The following ARHGAP22 variants were observed in gnomAD, a reference collection of about 807,000 sequenced individuals.
The protein encoded by ARHGAP22 is Rho GTPase activating protein 22.
Under a neutral mutation model 59.1 loss-of-function variants are expected in ARHGAP22, and 48 were observed. The observed-to-expected ratio is 0.81, with a 90% CI of 0.64 to 1.03. ARHGAP22 has a LOEUF of 1.03. Among genes scored for constraint, ARHGAP22 ranks in the 50% least tolerant of loss-of-function variants. The probability of loss-of-function intolerance (pLI) is 0.00; values close to 1 mark genes in which losing one functional copy is unlikely to be tolerated. For missense variants in ARHGAP22, 1,015 were observed against 958.7 expected, an observed-to-expected ratio of 1.06 and a Z score of -0.78; for synonymous variants, 445 against 416.4, an observed-to-expected ratio of 1.07 and a Z score of -0.84.
chr10:48,567,920 G>A (rs529377602), intron 2 of ARHGAP22, among the ~76,000 whole-genome samples: 3 of 152,324 alleles, frequency 2.0e-5, no homozygotes, highest in Non-Finnish European at 2.9e-5. Flanking sequence ...GAAAATAAGT[G>A]TTAGAGAATT....
intron 1 of ARHGAP22, among the ~76,000 whole-genome samples, chr10:48,588,923 G>A (rs1016496484): frequency 6.6e-6 from 1 of 152,314 alleles, no homozygotes; most frequent in East Asian, 1.9e-4. Flanking sequence ...CCCAGGCCAG[G>A]CCTCGAAGGA....
intron 1 of ARHGAP22, among the ~76,000 whole-genome samples, chr10:48,589,123 C>T (rs1361097194): frequency 6.6e-6 from 1 of 152,174 alleles, no homozygotes; most frequent in Non-Finnish European, 1.5e-5. Context: ...CCCCCCAGTC[C>T]CCACCAACTC....
chr10:48,611,180 ATAG>A (rs1303503793), intron 1 of ARHGAP22, among the ~76,000 whole-genome samples: 2 of 152,156 alleles, frequency 1.3e-5, no homozygotes, highest in Admixed American at 6.5e-5. Context: ...TGTGGGACTG[ATAG>A]TAGCACAGGC....
At chr10:48,573,722 A>C (rs751717269) in intron 2 of ARHGAP22, among the ~76,000 whole-genome samples, 2 of 152,228 alleles carry the variant, frequency 1.3e-5, no homozygotes, top group Non-Finnish European at 2.9e-5. Context: ...CAACCACAGC[A>C]ACTTCCATTT....
intron 2 of ARHGAP22, among the ~76,000 whole-genome samples, chr10:48,579,036 A>C (rs1202439467): frequency 6.6e-6 from 1 of 152,116 alleles, no homozygotes; most frequent in East Asian, 1.9e-4. Context: ...TGAGAAACAA[A>C]ATGTTTGTAC....
At chr10:48,515,281 G>A (rs577479377) in intron 3 of ARHGAP22, among the ~76,000 whole-genome samples, 1 of 152,252 alleles carries the variant, frequency 6.6e-6, no homozygotes, top group South Asian at 2.1e-4. Context: ...GAGATCTAGA[G>A]TGGGTATACA....
chr10:48,562,398 A>G (rs907045513), intron 2 of ARHGAP22, among the ~76,000 whole-genome samples: 7 of 152,156 alleles, frequency 4.6e-5, no homozygotes, highest in African/African-American at 1.7e-4. Context: ...AATGGCCTTC[A>G]CCAGGTAAAT....
chr10:48,556,077 G>A (rs2057292437), intron 2 of ARHGAP22, among the ~76,000 whole-genome samples: 1 of 152,194 alleles, frequency 6.6e-6, no homozygotes, highest in African/African-American at 2.4e-5. Flanking sequence ...CCAGGTGCCT[G>A]GGGTGCATGT....
chr10:48,603,063 T>C (rs2060477699), intron 1 of ARHGAP22, among the ~76,000 whole-genome samples: 1 of 152,186 alleles, frequency 6.6e-6, no homozygotes, highest in Non-Finnish European at 1.5e-5. Context: ...CATGGAACAC[T>C]GAGGACTGGA....
At chr10:48,637,832 CA>C (rs2061885910) in intron 1 of ARHGAP22, among the ~76,000 whole-genome samples, 1 of 152,274 alleles carries the variant, frequency 6.6e-6, no homozygotes, top group African/African-American at 2.4e-5. Context: ...ATTCCCCTCC[CA>C]ACAAGGATGT....
the ARHGAP22 span, chr10:48,431,379 C>T: frequency 1.4e-6 from 1 of 728,194 alleles, no homozygotes; most frequent in Admixed American, 2.9e-5. Flanking sequence ...CATTATTATT[C>T]CAGGCTTAAT....
At chr10:48,511,300 G>A (rs2052742160) in intron 3 of ARHGAP22, among the ~76,000 whole-genome samples, 1 of 152,250 alleles carries the variant, frequency 6.6e-6, no homozygotes, top group South Asian at 2.1e-4. Context: ...GCATGAGACT[G>A]CGGCCCAGAG....
chr10:48,460,907 C>T (rs1934044276), intron 4 of ARHGAP22, among the ~76,000 whole-genome samples: 2 of 152,108 alleles, frequency 1.3e-5, no homozygotes, highest in Non-Finnish European at 2.9e-5. Context: ...GTGTTATTCC[C>T]CTTATATGAA....
intron 1 of ARHGAP22, among the ~76,000 whole-genome samples, chr10:48,600,543 G>A (rs958506886): frequency 2.9e-5 from 4 of 139,904 alleles, no homozygotes; most frequent in Non-Finnish European, 5.9e-5. Flanking sequence ...AAATCCCAGA[G>A]GAGTATTCAA....
chr10:48,451,368 G>A (rs529659252), intron 8 of ARHGAP22: 13 of 725,534 alleles, frequency 1.8e-5, no homozygotes, highest in Non-Finnish European at 2.7e-5. Context: ...GCACAGAGCC[G>A]CAAGCAGGGA....
chr10:48,580,753 C>G (rs757364683), intron 2 of ARHGAP22, among the ~76,000 whole-genome samples: 1 of 151,988 alleles, frequency 6.6e-6, no homozygotes, highest in Non-Finnish European at 1.5e-5. Flanking sequence ...TAGGAGTGAG[C>G]CTGAGGGGCA....
At chr10:48,432,764 A>G in the ARHGAP22 span, among the ~76,000 whole-genome samples, 1 of 152,222 alleles carries the variant, frequency 6.6e-6, no homozygotes, top group Non-Finnish European at 1.5e-5. Flanking sequence ...GAATAATTTG[A>G]ATCTTAGTCC....
At chr10:48,453,174 G>T in intron 8 of ARHGAP22, 130 bp downstream of exon 8, 2 of 1,292,476 alleles carry the variant, frequency 1.5e-6, no homozygotes, top group Non-Finnish European at 2.2e-6. Context: ...CAGAGATGGA[G>T]ATGTGCCACC....
chr10:48,509,167 G>A (rs1457352992), intron 3 of ARHGAP22, among the ~76,000 whole-genome samples: 3 of 152,254 alleles, frequency 2.0e-5, no homozygotes, highest in Non-Finnish European at 4.4e-5. Context: ...GGACAGCCAT[G>A]AGAAGGGCAG....
Sources: allele counts gnomAD v4.1 joint callset (sites outside exome capture counted in the v4.1 genomes callset), GRCh38; gene constraint gnomAD v4.1.1; transcripts MANE v1.5; gene names NCBI Gene and HGNC (gene_info 2026-07-23, HGNC 2026-07-21).